Variants in ZC3H6 observed in about 807,000 individuals in gnomAD.
The protein encoded by ZC3H6 is zinc finger CCCH domain-containing protein 6.
A neutral mutation model predicts 107.7 loss-of-function variants in ZC3H6; 40 were observed. The observed-to-expected ratio is 0.37, with a 90% CI of 0.29 to 0.48. The LOEUF is 0.48. ZC3H6 is among the 20% of genes least tolerant of loss of function. The pLI, the probability that ZC3H6 is intolerant of heterozygous loss-of-function variation, is 0.98. For synonymous variants in ZC3H6, 493 were observed against 487.9 expected, an observed-to-expected ratio of 1.01 and a Z score of -0.14; for missense variants, 1,267 against 1,410.4, an observed-to-expected ratio of 0.90 and a Z score of 1.63.
chr2:112,327,793 G>A (rs954739913), intron 11 of ZC3H6, among the ~76,000 whole-genome samples: 3 of 152,066 alleles, frequency 2.0e-5, no homozygotes, highest in Admixed American at 2.0e-4. Context: ...TATGTTTTTA[G>A]CACCTTTGTC....
rs145846551 is a variant in ZC3H6, at chr2:112,304,306, G to A, written c.336+955G>A. ...AAAAGAATACATAATGTATTAGTTT[G>A]CTAGAGCTAACATAACAAAATTTTA... On this transcript the variant is annotated intron_variant, in intron 3 of 11. Coordinates refer to ENST00000409871, the MANE Select transcript of ZC3H6 (RefSeq NM_198581.3). Among the ~76,000 whole-genome samples the A allele has an allele frequency of 9.0e-3, 1,374 of 152,274 alleles. 14 individuals carry two copies. Among genetic ancestry groups the A allele is most frequent in the Middle Eastern group, 0.051 (15 of 294 alleles).
chr2:112,329,483 A>G (rs1676979546), intron 11 of ZC3H6, among the ~76,000 whole-genome samples: 1 of 152,226 alleles, frequency 6.6e-6, no homozygotes, highest in Non-Finnish European at 1.5e-5. Context: ...AAGAGAAGAA[A>G]AGAGATCTAG....
At chr2:112,293,672 G>C (rs1487364401) in intron 1 of ZC3H6, among the ~76,000 whole-genome samples, 1 of 152,214 alleles carries the variant, frequency 6.6e-6, no homozygotes, top group Non-Finnish European at 1.5e-5. Context: ...GTGGGGGTAA[G>C]GTAGGGAGTT....
Position 112,305,149 on chromosome 2 carries a change from T to C in ZC3H6, c.336+1798T>C, listed in dbSNP as rs150632190. On this transcript the variant is annotated intron_variant, in intron 3 of 11. Transcript: ENST00000409871. ...GACAAAACTTTTAATTCAGCAACACTGATATGTAGTTAGATTTATTCTTTA... is the reference window on the plus strand; with the variant it reads ...GACAAAACTTTTAATTCAGCAACACCGATATGTAGTTAGATTTATTCTTTA... Among the ~76,000 whole-genome samples the C allele has an allele frequency of 3.5e-4, 53 of 152,322 alleles. No homozygotes were observed. The East Asian group carries it at 0.01, about 29-fold the overall frequency.
Position 112,317,191 on chromosome 2 carries a change from CTTTTTTCTTTTT to C in ZC3H6, c.865-23_865-12del. 1 of 1,118,012 alleles carries C rather than the reference CTTTTTTCTTTTT, an allele frequency of 8.9e-7. No homozygotes were observed. The highest frequency in any genetic ancestry group is 2.0e-5 in the South Asian group (1 of 49,666). 69.3% of individuals were successfully genotyped at this position (1,118,012 alleles called of 1,614,324 possible). A position where few individuals can be genotyped will look rare whatever the true frequency, so the allele number is the denominator to read the frequency against. Reference sequence around the variant, plus strand: ...TTCTCATTGTTTCTTACCTTTTTTTCTTTTTTCTTTTTTTTTTTTTTGTGAATAGGGAGATCA... The same window carrying C: ...TTCTCATTGTTTCTTACCTTTTTTTCTTTTTTTTTGTGAATAGGGAGATCA... On this transcript the variant is annotated intron_variant, in intron 6 of 11. Transcript: ENST00000409871.
rs1169082631 is a variant in ZC3H6 at position 112,332,087 on chromosome 2, TC to T, written c.3170del (p.Ser1057TyrfsTer6). 6.2e-7 allele frequency: 1 copy of T among 1,613,994 alleles called. No individual in the cohort carries two copies. Among genetic ancestry groups the T allele is most frequent in the Admixed American group, 1.7e-5 (1 of 60,018 alleles). ...GTATGACCCTAGGGATCACGGTTCATCATCCACATCAGAGCTAGCAACAGCT... is the reference window on the plus strand; with the variant it reads ...GTATGACCCTAGGGATCACGGTTCATATCCACATCAGAGCTAGCAACAGCT... ...SLYDPRDHGS[S>X]STSELATASS... On this transcript the variant is annotated frameshift_variant, in exon 12 of 12. Coordinates refer to ENST00000409871, the MANE Select transcript of ZC3H6 (RefSeq NM_198581.3). LOFTEE classifies it high-confidence loss of function.
chr2:112,324,948 C>T lies in ZC3H6; in HGVS notation c.1853-16C>T. ...TGCTCACTCAATGACTGTCTCTCCC[C>T]ATGTTATACATGTAGATGGGATGTG... On this transcript the variant is annotated splice_polypyrimidine_tract_variant and intron_variant, in intron 10 of 11. Transcript: ENST00000409871. 1.9e-6 allele frequency: 3 copies of T among 1,578,336 alleles called. No homozygotes were observed. In the South Asian group the frequency reaches 3.5e-5, roughly 18 times the overall value.
At position 112,299,978 on chromosome 2, in the gene ZC3H6, GAA is replaced by G; in HGVS notation, c.164_165del (p.Lys55ArgfsTer13). ...AYRKSRKKHKKEREKKKSKRR... is the reference protein window; with the variant it reads ...AYRKSRKKHKXEREKKKSKRR... ...ACAGAAAATCAAGAAAAAAACATAA[GAA>G]AGAGAGAGAGAAGAAAAAATCCAAA... On this transcript the variant is annotated frameshift_variant, in exon 2 of 12. Transcript: ENST00000409871. LOFTEE classifies it high-confidence loss of function. 1 of 1,494,650 alleles carries G rather than the reference GAA, an allele frequency of 6.7e-7. No homozygotes were observed. Among genetic ancestry groups the G allele is most frequent in the Non-Finnish European group, 8.9e-7 (1 of 1,124,650 alleles). The allele number at this position is 1,494,650 out of a possible 1,614,324, so 92.6% of individuals were successfully genotyped here.
In ZC3H6 at chr2:112,307,570, A is replaced by G. The variant is rs548983513; in HGVS notation, c.337-2315A>G. ...TGAGTGCGTTTTGTTCATCCCAATG[A>G]TGACCATATGAACCATAAGGAATAT... is the stretch of plus-strand genomic sequence containing the variant. On this transcript the variant is annotated intron_variant, in intron 3 of 11. Transcript: ENST00000409871. Among the ~76,000 whole-genome samples, 56 of 152,324 alleles carry G rather than the reference A, an allele frequency of 3.7e-4. No homozygotes were observed. The South Asian group carries it at 0.011, about 30-fold the overall frequency.
intron 3 of ZC3H6, among the ~76,000 whole-genome samples, chr2:112,304,939 G>A (rs1016836025): frequency 1.3e-5 from 2 of 151,792 alleles, no homozygotes; most frequent in Admixed American, 6.6e-5. Flanking sequence ...AAATAAATGA[G>A]GTTTTATTAA....
chr2:112,275,939 C>A lies in ZC3H6; in HGVS notation c.-56C>A, dbSNP rs959109926. On this transcript the variant is annotated 5_prime_UTR_variant, in exon 1 of 12. Coordinates refer to ENST00000409871, the MANE Select transcript of ZC3H6 (RefSeq NM_198581.3). Reference sequence around the variant, plus strand: ...GGCGCGGGGGGTCTTCCCCGCGCCCCGCCGCCGCCGGCCTCGCAGACCTGC... The same window carrying A: ...GGCGCGGGGGGTCTTCCCCGCGCCCAGCCGCCGCCGGCCTCGCAGACCTGC... 44 of 1,473,420 alleles carry A rather than the reference C, an allele frequency of 3.0e-5. No individual in the cohort carries two copies. The highest frequency in any genetic ancestry group is 4.0e-5 in the Non-Finnish European group (44 of 1,104,634). The allele number at this position is 1,473,420 out of a possible 1,614,324, so 91.3% of individuals were successfully genotyped here. A position where few individuals can be genotyped will look rare whatever the true frequency, so the allele number is the denominator to read the frequency against.
At chr2:112,299,627 A>G (rs1474299971) in intron 1 of ZC3H6, among the ~76,000 whole-genome samples, 1 of 152,214 alleles carries the variant, frequency 6.6e-6, no homozygotes, top group Admixed American at 6.5e-5. Flanking sequence ...TGGTTCTTAC[A>G]TTCTTAAAGG....
At chr2:112,296,285 A>G (rs1217319013) in intron 1 of ZC3H6, among the ~76,000 whole-genome samples, 1 of 152,188 alleles carries the variant, frequency 6.6e-6, no homozygotes. Flanking sequence ...ACATGAAATC[A>G]TACAGTACTG....
intron 1 of ZC3H6, among the ~76,000 whole-genome samples, chr2:112,278,260 G>A (rs1484526583): frequency 6.6e-6 from 1 of 152,214 alleles, no homozygotes; most frequent in Non-Finnish European, 1.5e-5. Context: ...GAATTAAGTG[G>A]AGAAAAATAT....
chr2:112,303,125 T>C (rs1367947134), intron 2 of ZC3H6, 104 bp from the exon 3 acceptor site: 1 of 1,391,854 alleles, frequency 7.2e-7, no homozygotes. Flanking sequence ...TGGAATAATA[T>C]AATCTACTGG....
At position 112,275,909 on chromosome 2, in the gene ZC3H6, C is replaced by T; in HGVS notation, c.-86C>T. 1 of 1,264,004 alleles carries T rather than the reference C, an allele frequency of 7.9e-7. No homozygotes were observed. Among genetic ancestry groups the T allele is most frequent in the South Asian group, 1.5e-5 (1 of 67,242 alleles). The allele number at this position is 1,264,004 out of a possible 1,614,324, so 78.3% of individuals were successfully genotyped here. A position where few individuals can be genotyped will look rare whatever the true frequency, so the allele number is the denominator to read the frequency against. ...GGCGGCGGCCGGGAGCAGGTTCCCG[C>T]AGGCGGCGCGGGGGGTCTTCCCCGC... On this transcript the variant is annotated 5_prime_UTR_variant, in exon 1 of 12. Transcript: ENST00000409871.
chr2:112,303,414 T>C (rs1676421876), intron 3 of ZC3H6, 63 bp downstream of exon 3: 3 of 1,252,446 alleles, frequency 2.4e-6, no homozygotes, highest in Non-Finnish European at 3.4e-6. Context: ...ATTTTAACCC[T>C]TTTAACTGTA....
chr2:112,279,019 C>A (rs1686478023), intron 1 of ZC3H6, among the ~76,000 whole-genome samples: 1 of 152,222 alleles, frequency 6.6e-6, no homozygotes. Flanking sequence ...AATATTTTCA[C>A]ACCTGGAGTT....
chr2:112,318,618 G>A (rs537035491), intron 7 of ZC3H6, among the ~76,000 whole-genome samples: 83 of 152,280 alleles, frequency 5.5e-4, no homozygotes, highest in African/African-American at 1.8e-3. Context: ...TAAAAAAATC[G>A]TGACAGTGAA....
Sources: allele counts gnomAD v4.1 joint callset (sites outside exome capture counted in the v4.1 genomes callset), GRCh38; gene constraint gnomAD v4.1.1; transcripts MANE v1.5; gene names NCBI Gene and HGNC (gene_info 2026-07-23, HGNC 2026-07-21).